The following KIFAP3 variants were observed in gnomAD, a reference collection of about 807,000 sequenced individuals.
KIFAP3 encodes kinesin-associated protein 3.
KIFAP3 carries 68 observed loss-of-function variants against 106.5 expected under a neutral mutation model. The ratio of observed to expected loss-of-function variants is 0.64; its 90% CI spans 0.53 to 0.78. The LOEUF (loss-of-function observed/expected upper bound fraction) is 0.78. Ranked by LOEUF, KIFAP3 falls within the 30% of genes least tolerant of loss-of-function variation. The probability of loss-of-function intolerance (pLI) is 0.00; values close to 1 mark genes in which losing one functional copy is unlikely to be tolerated. For missense variants in KIFAP3, 780 were observed against 941.8 expected (o/e 0.83, Z 2.25); for synonymous variants, 320 against 311.5 (o/e 1.03, Z -0.29).
intron 9 of KIFAP3, among the ~76,000 whole-genome samples, chr1:170,020,077 T>A (rs137872823): frequency 1.3e-5 from 2 of 152,302 alleles, no homozygotes; most frequent in East Asian, 3.9e-4. Flanking sequence ...CTGCCACTTA[T>A]AATGGTAAAA....
At chr1:169,945,321 C>T (rs1290269376) in intron 19 of KIFAP3, among the ~76,000 whole-genome samples, 1 of 152,142 alleles carries the variant, frequency 6.6e-6, no homozygotes, top group East Asian at 1.9e-4. Context: ...GGGGCCTTCC[C>T]CAGGCCCCCA....
At position 169,982,744 on chromosome 1, in the gene KIFAP3, C is replaced by T. The variant is rs780644818; in HGVS notation, c.1630G>A (p.Glu544Lys). The T allele has an allele frequency of 6.2e-7, 1 of 1,610,380 alleles. No homozygotes were observed. The part of the protein sequence containing the change: ...PDLDWELVLK[E>K]YKLVPYLKDK... ...TTGAGGTATGGAACCAACTTATATT[C>T]TTTAAGAACCAATTCCCAGTCTAAG... is the stretch of plus-strand genomic sequence containing the variant. Residue 544 changes from glutamate (E) to lysine (K), a missense_variant, in exon 14 of 20, where the codon GAA becomes AAA. Physicochemically the swap from Glu to Lys is moderately conservative, Grantham distance 56 (BLOSUM62 1). Around this residue, in one of 3 missense-constraint regions of KIFAP3, gnomAD observed 588 missense variants for 678.9 expected, o/e 0.87. Transcript: ENST00000361580.
At chr1:170,000,537 GATA>G (rs1667612620) in intron 10 of KIFAP3, among the ~76,000 whole-genome samples, 1 of 152,100 alleles carries the variant, frequency 6.6e-6, no homozygotes, top group South Asian at 2.1e-4. Flanking sequence ...CCACTTAAAA[GATA>G]ATTGCAACAA....
intron 1 of KIFAP3, chr1:170,068,347 C>G (rs1671546443): frequency 6.6e-6 from 1 of 151,880 alleles, no homozygotes; most frequent in Non-Finnish European, 1.5e-5. Flanking sequence ...CACAATGTCT[C>G]AACACATAAA....
At position 170,034,371 on chromosome 1, in the gene KIFAP3, T is replaced by C. The variant is rs766873634; in HGVS notation, c.742+1A>G. ...GTTCAAATGCCACTCTAAAAGGATATCAGCTTTCTTCTTCTTTGAGAGTTC... is the reference window on the plus strand; with the variant it reads ...GTTCAAATGCCACTCTAAAAGGATACCAGCTTTCTTCTTCTTTGAGAGTTC... On this transcript the variant is annotated splice_donor_variant, in intron 7 of 19. Transcript: ENST00000361580. LOFTEE classifies it high-confidence loss of function. 11 of 1,604,852 alleles carry C rather than the reference T, an allele frequency of 6.9e-6. No individual in the cohort carries two copies. Among genetic ancestry groups the C allele is most frequent in the East Asian group, 4.5e-5 (2 of 44,556 alleles).
intron 18 of KIFAP3, among the ~76,000 whole-genome samples, chr1:169,958,715 A>C (rs186159862): frequency 6.6e-6 from 1 of 152,310 alleles, no homozygotes; most frequent in African/African-American, 2.4e-5. Flanking sequence ...TAAAAAATAA[A>C]AAGTCATTTA....
intron 1 of KIFAP3, among the ~76,000 whole-genome samples, chr1:170,058,967 C>A (rs1670992589): frequency 6.6e-6 from 1 of 152,050 alleles, no homozygotes; most frequent in Non-Finnish European, 1.5e-5. Context: ...TTCTTTAAAA[C>A]CAATGAGAAC....
chr1:169,984,527 A>G (rs1666688043), intron 12 of KIFAP3, 55 bp downstream of exon 12: 3 of 743,878 alleles, frequency 4.0e-6, no homozygotes, highest in Non-Finnish European at 7.0e-6. Flanking sequence ...TCTATTTTCC[A>G]TCATATACCA....
chr1:169,996,996 A>G (rs1473124678), intron 10 of KIFAP3, among the ~76,000 whole-genome samples: 1 of 152,214 alleles, frequency 6.6e-6, no homozygotes, highest in Non-Finnish European at 1.5e-5. Context: ...CATTCTCACT[A>G]AATTGGACAA....
At chr1:170,003,870 CAGG>C (rs1223671410) in intron 10 of KIFAP3, among the ~76,000 whole-genome samples, 1 of 152,162 alleles carries the variant, frequency 6.6e-6, no homozygotes, top group Non-Finnish European at 1.5e-5. Flanking sequence ...GGCAATCAGG[CAGG>C]AGAAGGAAAT....
At chr1:169,952,988 T>A (rs1664807564) in intron 19 of KIFAP3, among the ~76,000 whole-genome samples, 1 of 151,968 alleles carries the variant, frequency 6.6e-6, no homozygotes, top group East Asian at 1.9e-4. Context: ...AAAAGTAGAA[T>A]TTAAGAAGAA....
At chr1:169,937,924 A>C (rs1663899604) in intron 19 of KIFAP3, among the ~76,000 whole-genome samples, 1 of 151,924 alleles carries the variant, frequency 6.6e-6, no homozygotes, top group Non-Finnish European at 1.5e-5. Context: ...ATCTTTCTCC[A>C]TGAAAAATAT....
At chr1:170,054,647 A>C (rs10919289) in intron 2 of KIFAP3, among the ~76,000 whole-genome samples, 27,883 of 152,188 alleles carry the variant, frequency 0.18, 2,597 homozygotes, top group Admixed American at 0.23. Context: ...GAATGAGTTC[A>C]TGTCCTTTGC....
rs895984852 is a variant in KIFAP3, at chr1:169,936,707, A to C, written c.2274-14926T>G. Among the ~76,000 whole-genome samples the C allele has an allele frequency of 4.0e-5, 6 of 151,774 alleles. No individual in the cohort carries two copies. In the South Asian group the frequency reaches 1.0e-3, roughly 26 times the overall value. On this transcript the variant is annotated intron_variant, in intron 19 of 19. Coordinates refer to ENST00000361580, the MANE Select transcript of KIFAP3 (RefSeq NM_014970.4). ...AGGTCTGTGTTTTTGTACTAGAAGT[A>C]AGTCAATGAATGACACACTCCACAT...
rs776829400 is a variant in KIFAP3 at position 169,992,160 on chromosome 1, G to C, written c.1279C>G (p.Pro427Ala). ...AAAACACTTAAACCACTTACCTGTG[G>C]TATACAGTCAGTGTATGCAAACATT... ...KSMFAYTDCI[P>A]QLMKMLFECS... The change falls in exon 11 of 20, where the codon CCA becomes GCA. Residue 427 changes from proline (P) to alanine (A), a missense_variant. Transcript: ENST00000361580. The C allele has an allele frequency of 2.7e-6, 4 of 1,483,096 alleles. No homozygotes were observed. Among genetic ancestry groups the C allele is most frequent in the South Asian group, 1.4e-5 (1 of 73,250 alleles). 91.9% of individuals were successfully genotyped at this position (1,483,096 alleles called of 1,614,324 possible).
At chr1:170,072,327 C>T (rs1255917852) in intron 1 of KIFAP3, among the ~76,000 whole-genome samples, 1 of 152,116 alleles carries the variant, frequency 6.6e-6, no homozygotes, top group Non-Finnish European at 1.5e-5. Context: ...TAGCACCTAC[C>T]TTTATGAACT....
At chr1:170,072,173 A>G (rs1157974278) in intron 1 of KIFAP3, among the ~76,000 whole-genome samples, 4 of 152,198 alleles carry the variant, frequency 2.6e-5, no homozygotes, top group Admixed American at 6.5e-5. Flanking sequence ...CTCAAAATAA[A>G]GTCTCAACTC....
intron 1 of KIFAP3, among the ~76,000 whole-genome samples, chr1:170,066,048 T>C (rs1671427036): frequency 6.6e-6 from 1 of 152,154 alleles, no homozygotes; most frequent in Non-Finnish European, 1.5e-5. Context: ...ATGTTTTCAC[T>C]ATACTTTTAA....
chr1:170,009,581 A>G (rs984527747), intron 10 of KIFAP3, among the ~76,000 whole-genome samples: 1 of 152,186 alleles, frequency 6.6e-6, no homozygotes, highest in African/African-American at 2.4e-5. Flanking sequence ...AACAATCCTC[A>G]GCTTATGAAA....
Sources: allele counts gnomAD v4.1 joint callset (sites outside exome capture counted in the v4.1 genomes callset), GRCh38; gene constraint gnomAD v4.1.1; regional missense constraint gnomAD v4.1.1; transcripts MANE v1.5; gene names NCBI Gene and HGNC (gene_info 2026-07-23, HGNC 2026-07-21).